WWOX: variants seen among roughly 807,000 people sequenced by gnomAD.
WWOX encodes WW domain-containing oxidoreductase.
In WWOX, 69 loss-of-function variants were observed where a neutral mutation model predicts 46.2. The ratio of observed to expected loss-of-function variants is 1.49; its 90% CI spans 1.23 to 1.82. WWOX has a LOEUF of 1.82. Among genes scored for constraint, WWOX ranks in the 40% most tolerant of loss-of-function variants. The probability of loss-of-function intolerance (pLI) is 0.00; values close to 1 mark genes in which losing one functional copy is unlikely to be tolerated. For missense variants in WWOX, 919 were observed against 542.6 expected (o/e 1.69, Z -6.89); for synonymous variants, 359 against 202.6 (o/e 1.77, Z -6.56).
At position 78,569,138 on chromosome 16, in the gene WWOX, C is replaced by T. The variant is rs147509131; in HGVS notation, c.1056+136386C>T. ...TTAAAATTACAGGATACCTAGGGAC[C>T]TGTTGGGGTGGGAGGGAAGAACCCT... On this transcript the variant is annotated intron_variant, in intron 8 of 8. Transcript: ENST00000566780. Among the ~76,000 whole-genome samples the T allele has an allele frequency of 5.7e-4, 87 of 152,190 alleles. 1 individual carries two copies. The highest frequency in any genetic ancestry group is 1.9e-3 in the African/African-American group (80 of 41,520).
chr16:78,384,713 C>G (rs1261595526), intron 5 of WWOX, among the ~76,000 whole-genome samples: 1 of 152,204 alleles, frequency 6.6e-6, no homozygotes, highest in Non-Finnish European at 1.5e-5. Context: ...AAAATCTGCA[C>G]ACTTTGGCAT....
intron 8 of WWOX, among the ~76,000 whole-genome samples, chr16:79,106,146 A>C (rs933258993): frequency 6.6e-6 from 1 of 152,176 alleles, no homozygotes; most frequent in Non-Finnish European, 1.5e-5. Flanking sequence ...CCCCAGACCT[A>C]CTGCGTCTGG....
chr16:78,879,289 A>T (rs1433393386), intron 8 of WWOX, among the ~76,000 whole-genome samples: 2 of 152,200 alleles, frequency 1.3e-5, no homozygotes, highest in Non-Finnish European at 2.9e-5. Flanking sequence ...GCATCTCAGT[A>T]TGAGACACCG....
chr16:79,059,574 TC>T (rs1384838292), intron 8 of WWOX, among the ~76,000 whole-genome samples: 1 of 152,188 alleles, frequency 6.6e-6, no homozygotes, highest in Non-Finnish European at 1.5e-5. Flanking sequence ...CACTGCAGCC[TC>T]CGCCTTCCGG....
intron 8 of WWOX, among the ~76,000 whole-genome samples, chr16:78,773,827 A>T (rs2050123953): frequency 6.6e-6 from 1 of 152,350 alleles, no homozygotes; most frequent in Admixed American, 6.5e-5. Context: ...AGTTCTGAAC[A>T]GGGAGCTTGG....
chr16:78,734,833 C>T (rs890132011), intron 8 of WWOX, among the ~76,000 whole-genome samples: 16 of 98,488 alleles, frequency 1.6e-4, no homozygotes, highest in African/African-American at 5.4e-4. Flanking sequence ...CAGGTGGGGA[C>T]TTCAGTCCTT....
chr16:78,250,207 C>A lies in WWOX; in HGVS notation c.516+85918C>A, dbSNP rs1052300574. Among the ~76,000 whole-genome samples the A allele has an allele frequency of 5.9e-5, 9 of 152,330 alleles. 1 individual carries two copies. The highest frequency in any genetic ancestry group is 2.0e-4 in the Admixed American group (3 of 15,282). On this transcript the variant is annotated intron_variant, in intron 5 of 8. Coordinates refer to ENST00000566780, the MANE Select transcript of WWOX (RefSeq NM_016373.4). ...ATTAAATGAGAAAACACACACAGAT[C>A]ATTTCTTTAGCACAACGTCTATCTG...
rs140896432 is a variant in WWOX at position 78,514,510 on chromosome 16, G to A, written c.1056+81758G>A. On this transcript the variant is annotated intron_variant, in intron 8 of 8. Coordinates refer to ENST00000566780, the MANE Select transcript of WWOX (RefSeq NM_016373.4). ...CAAAGGTGAAGTGGTCCTAATCTGC[G>A]GCCCTGGTACACTTAGATAGGCATC... 2.2e-4 allele frequency among the ~76,000 whole-genome samples: 34 copies of A among 152,242 alleles called. 1 individual carries two copies. Among genetic ancestry groups the A allele is most frequent in the African/African-American group, 7.5e-4 (31 of 41,548 alleles).
At chr16:78,572,281 G>A (rs1378814996) in intron 8 of WWOX, among the ~76,000 whole-genome samples, 1 of 152,142 alleles carries the variant, frequency 6.6e-6, no homozygotes, top group East Asian at 1.9e-4. Context: ...AAGAATCTCA[G>A]CAACATAATT....
chr16:78,872,215 C>T (rs1013846149), intron 8 of WWOX, among the ~76,000 whole-genome samples: 5 of 152,192 alleles, frequency 3.3e-5, no homozygotes, highest in African/African-American at 4.8e-5. Context: ...GGATTCAAAT[C>T]CCAGCTCTGC....
At chr16:78,761,427 C>T (rs191051572) in intron 8 of WWOX, among the ~76,000 whole-genome samples, 21 of 152,236 alleles carry the variant, frequency 1.4e-4, no homozygotes, top group Admixed American at 8.5e-4. Context: ...AGTGCCCTCT[C>T]GGTTCCCAGA....
chr16:78,676,955 C>T (rs936561002), intron 8 of WWOX, among the ~76,000 whole-genome samples: 6 of 151,922 alleles, frequency 3.9e-5, no homozygotes, highest in East Asian at 1.9e-4. Context: ...TGAATAAAAA[C>T]GGTGTTTCCT....
intron 8 of WWOX, among the ~76,000 whole-genome samples, chr16:78,449,644 C>T (rs996089419): frequency 1.7e-4 from 26 of 152,202 alleles, no homozygotes; most frequent in African/African-American, 5.5e-4. Flanking sequence ...CTGAGAGAGG[C>T]ACCAAATGCA....
chr16:78,475,381 G>C (rs1402729237), intron 8 of WWOX, among the ~76,000 whole-genome samples: 1 of 152,128 alleles, frequency 6.6e-6, no homozygotes, highest in African/African-American at 2.4e-5. Flanking sequence ...TGAGATAGGA[G>C]CTTTTGGTAG....
chr16:78,796,734 T>C (rs1362779848), intron 8 of WWOX, among the ~76,000 whole-genome samples: 1 of 152,174 alleles, frequency 6.6e-6, no homozygotes, highest in Non-Finnish European at 1.5e-5. Flanking sequence ...CCAGAAGCAT[T>C]CTTCAGTTCC....
intron 5 of WWOX, among the ~76,000 whole-genome samples, chr16:78,247,387 C>T (rs2037846592): frequency 6.6e-6 from 1 of 152,106 alleles, no homozygotes; most frequent in Non-Finnish European, 1.5e-5. Context: ...ATTGCTGCTG[C>T]CCACCTTTCT....
intron 5 of WWOX, among the ~76,000 whole-genome samples, chr16:78,201,171 A>C (rs186833694): frequency 6.6e-6 from 1 of 152,240 alleles, no homozygotes; most frequent in African/African-American, 2.4e-5. Flanking sequence ...TTAATGTGGC[A>C]GTGTATTCCT....
At chr16:78,449,752 T>C (rs2083646366) in intron 8 of WWOX, among the ~76,000 whole-genome samples, 1 of 152,192 alleles carries the variant, frequency 6.6e-6, no homozygotes, top group South Asian at 2.1e-4. Flanking sequence ...AACTGGTAGA[T>C]AATGTATCCT....
intron 8 of WWOX, among the ~76,000 whole-genome samples, chr16:78,919,404 T>C (rs2045324913): frequency 6.6e-6 from 1 of 152,140 alleles, no homozygotes; most frequent in Non-Finnish European, 1.5e-5. Context: ...TTTTGCTCCA[T>C]GGTCTAGCAC....
Sources: allele counts gnomAD v4.1 joint callset (sites outside exome capture counted in the v4.1 genomes callset), GRCh38; gene constraint gnomAD v4.1.1; transcripts MANE v1.5; gene names NCBI Gene and HGNC (gene_info 2026-07-23, HGNC 2026-07-21).